GALNT13: variants seen among roughly 807,000 people sequenced by gnomAD.
GALNT13 encodes UDP-GalNAc:polypeptide N-acetylgalactosaminyltransferase 13.
A neutral mutation model predicts 64.2 loss-of-function variants in GALNT13; 28 were observed. The ratio of observed to expected loss-of-function variants is 0.44; its 90% CI spans 0.32 to 0.60. GALNT13 has a LOEUF of 0.60. Ranked by LOEUF, GALNT13 falls within the 20% of genes least tolerant of loss-of-function variation. GALNT13 has a pLI of 0.05. For synonymous variants in GALNT13, 214 were observed against 224.6 expected (o/e 0.95, Z 0.42); for missense variants, 577 against 669.8 (o/e 0.86, Z 1.53).
intron 1 of GALNT13, among the ~76,000 whole-genome samples, chr2:153,882,907 T>G (rs1188563901): frequency 6.6e-6 from 1 of 151,356 alleles, no homozygotes; most frequent in Non-Finnish European, 1.5e-5. Context: ...TAAGATATAA[T>G]GTAGGAACAA....
At chr2:153,725,423 A>G in the GALNT13 span, among the ~76,000 whole-genome samples, 1 of 151,130 alleles carries the variant, frequency 6.6e-6, no homozygotes, top group Non-Finnish European at 1.5e-5. Flanking sequence ...AACCTGCACA[A>G]TGTGCACATG....
intron 4 of GALNT13, among the ~76,000 whole-genome samples, chr2:154,241,073 C>T (rs1402379520): frequency 6.6e-6 from 1 of 152,094 alleles, no homozygotes; most frequent in African/African-American, 2.4e-5. Flanking sequence ...CTGACTTGCT[C>T]CTCTCCACAC....
intron 4 of GALNT13, among the ~76,000 whole-genome samples, chr2:154,230,218 T>C (rs965061697): frequency 3.9e-5 from 6 of 152,142 alleles, no homozygotes; most frequent in Admixed American, 3.9e-4. Context: ...GACCTGCTGA[T>C]AATAAAATCC....
At chr2:153,916,829 C>T (rs766584496) in intron 2 of GALNT13, among the ~76,000 whole-genome samples, 40 of 152,164 alleles carry the variant, frequency 2.6e-4, no homozygotes, top group Non-Finnish European at 5.9e-5. Flanking sequence ...AGAGCTTTAC[C>T]TTTTAGATGG....
the GALNT13 span, among the ~76,000 whole-genome samples, chr2:153,381,881 C>T: frequency 6.6e-6 from 1 of 152,110 alleles, no homozygotes; most frequent in South Asian, 2.1e-4. Context: ...AGGCTGTCTT[C>T]CTGGCAGAAA....
At chr2:153,419,050 T>A in the GALNT13 span, among the ~76,000 whole-genome samples, 4 of 152,140 alleles carry the variant, frequency 2.6e-5, no homozygotes, top group Non-Finnish European at 5.9e-5. Context: ...GGTGTATTAG[T>A]CCATTCTTAC....
the GALNT13 span, among the ~76,000 whole-genome samples, chr2:153,201,383 T>C: frequency 2.0e-5 from 3 of 152,214 alleles, no homozygotes; most frequent in Non-Finnish European, 4.4e-5. Flanking sequence ...AACGGAAAGC[T>C]AAACAATAGA....
At chr2:153,782,409 T>A in the GALNT13 span, among the ~76,000 whole-genome samples, 5 of 152,148 alleles carry the variant, frequency 3.3e-5, no homozygotes, top group African/African-American at 1.2e-4. Context: ...TCAGTTCCTG[T>A]AATGAATACT....
At chr2:153,243,564 C>T in the GALNT13 span, among the ~76,000 whole-genome samples, 1 of 144,322 alleles carries the variant, frequency 6.9e-6, no homozygotes, top group Admixed American at 6.7e-5. Context: ...ACAGTTTTAA[C>T]ATACAACGTG....
chr2:153,977,049 G>A (rs1694120739), intron 3 of GALNT13, among the ~76,000 whole-genome samples: 1 of 151,952 alleles, frequency 6.6e-6, no homozygotes, highest in Admixed American at 6.6e-5. Flanking sequence ...TGTCAATAAG[G>A]GAATATTTTT....
the GALNT13 span, among the ~76,000 whole-genome samples, chr2:153,195,939 C>T: frequency 6.6e-6 from 1 of 152,152 alleles, no homozygotes; most frequent in South Asian, 2.1e-4. Context: ...CTCCTCTCTG[C>T]ATCTGATCAT....
At chr2:153,190,554 T>C in the GALNT13 span, among the ~76,000 whole-genome samples, 2 of 152,128 alleles carry the variant, frequency 1.3e-5, no homozygotes, top group Non-Finnish European at 2.9e-5. Context: ...AGTATTGCTT[T>C]GGCTATTCAG....
At chr2:153,759,612 A>C in the GALNT13 span, among the ~76,000 whole-genome samples, 1 of 152,228 alleles carries the variant, frequency 6.6e-6, no homozygotes, top group South Asian at 2.1e-4. Context: ...CATTCTTATA[A>C]ATTTGGATTA....
chr2:153,442,907 C>T, the GALNT13 span, among the ~76,000 whole-genome samples: 10 of 152,168 alleles, frequency 6.6e-5, no homozygotes, highest in Non-Finnish European at 5.9e-5. Context: ...TTACCAAGCT[C>T]GAGTGTCCCT....
chr2:153,245,309 C>G, the GALNT13 span, among the ~76,000 whole-genome samples: 5 of 152,226 alleles, frequency 3.3e-5, no homozygotes, highest in Admixed American at 3.3e-4. Context: ...ACTGCCTCCT[C>G]AATGGGTCCC....
At chr2:153,320,899 A>T in the GALNT13 span, among the ~76,000 whole-genome samples, 940 of 152,314 alleles carry the variant, frequency 6.2e-3, 7 homozygotes, top group African/African-American at 0.022. Context: ...TATATCTTTT[A>T]ACCCATTCAA....
chr2:154,345,303 C>T (rs1012022060), intron 9 of GALNT13, among the ~76,000 whole-genome samples: 3 of 151,972 alleles, frequency 2.0e-5, no homozygotes, highest in Non-Finnish European at 4.4e-5. Flanking sequence ...AGAATAACCT[C>T]ACAAAAGGAT....
chr2:153,301,320 A>AAAAAAAAAAAAAAAAAAAAAAAAAG, the GALNT13 span, among the ~76,000 whole-genome samples: 38 of 126,568 alleles, frequency 3.0e-4, no homozygotes, highest in Non-Finnish European at 4.4e-4. Flanking sequence ...AAAAAAAAAG[A>AAAAAAAAAAAAAAAAAAAAAAAAAG]AAAAAAAAAA....
the GALNT13 span, among the ~76,000 whole-genome samples, chr2:153,298,543 CCTT>C: frequency 4.6e-5 from 7 of 152,152 alleles, no homozygotes; most frequent in African/African-American, 1.7e-4. Flanking sequence ...GTTATATTTG[CCTT>C]CTTTGGTTGC....
Sources: gnomAD v4.1 joint callset for allele counts (sites outside exome capture counted in the v4.1 genomes callset) on GRCh38, gnomAD v4.1.1 for gene constraint, MANE v1.5 for transcripts, NCBI Gene and HGNC (gene_info 2026-07-23, HGNC 2026-07-21) for gene names.